The following KCNC2 variants were observed in gnomAD, a reference collection of about 807,000 sequenced individuals.
KCNC2 encodes voltage-gated potassium channel KCNC2.
In KCNC2, 21 loss-of-function variants were observed where a neutral mutation model predicts 44.5. That is an observed-to-expected ratio of 0.47 (90% confidence interval 0.33 to 0.68). The LOEUF is 0.68. KCNC2 is among the 30% of genes least tolerant of loss of function. The probability of loss-of-function intolerance (pLI) is 0.01; values close to 1 mark genes in which losing one functional copy is unlikely to be tolerated. For missense variants in KCNC2, 589 were observed against 826.2 expected (o/e 0.71, Z 3.52); for synonymous variants, 391 against 339.1 (o/e 1.15, Z -1.68).
intron 2 of KCNC2, among the ~76,000 whole-genome samples, chr12:75,129,705 G>A (rs942994258): frequency 1.3e-5 from 2 of 151,074 alleles, no homozygotes; most frequent in African/African-American, 2.4e-5. Flanking sequence ...TGGATATCAC[G>A]CAAAAAAAAA....
At chr12:75,180,091 G>A (rs1892478322) in intron 2 of KCNC2, among the ~76,000 whole-genome samples, 1 of 151,838 alleles carries the variant, frequency 6.6e-6, no homozygotes. Context: ...TGTCAACATA[G>A]TAATTTTAAA....
intron 3 of KCNC2, 106 bp downstream of exon 3, chr12:75,050,284 T>G (rs1474051901): frequency 5.5e-5 from 47 of 853,088 alleles, no homozygotes; most frequent in Non-Finnish European, 1.9e-6. Flanking sequence ...GGGTTAGGGC[T>G]GAAAACTCAT....
intron 2 of KCNC2, among the ~76,000 whole-genome samples, chr12:75,086,269 G>A (rs1322963146): frequency 6.6e-6 from 1 of 151,996 alleles, no homozygotes; most frequent in Non-Finnish European, 1.5e-5. Flanking sequence ...GTTATTAGAA[G>A]ACAAGACAGT....
chr12:75,084,341 T>G (rs1884809593), intron 2 of KCNC2, among the ~76,000 whole-genome samples: 1 of 151,160 alleles, frequency 6.6e-6, no homozygotes, highest in Non-Finnish European at 1.5e-5. Context: ...GATATACTAT[T>G]ATGTGTCCAG....
At chr12:75,089,333 T>C (rs1885283323) in intron 2 of KCNC2, among the ~76,000 whole-genome samples, 1 of 151,822 alleles carries the variant, frequency 6.6e-6, no homozygotes, top group Non-Finnish European at 1.5e-5. Context: ...TGTCATTGTA[T>C]CCTCAATATT....
chr12:75,056,334 C>G (rs1015077318), intron 2 of KCNC2, among the ~76,000 whole-genome samples: 5 of 151,848 alleles, frequency 3.3e-5, no homozygotes, highest in African/African-American at 1.2e-4. Context: ...AAATATAAGG[C>G]TCATCTCTAT....
intron 2 of KCNC2, among the ~76,000 whole-genome samples, chr12:75,126,095 A>AACC (rs1888404842): frequency 6.6e-6 from 1 of 152,132 alleles, no homozygotes; most frequent in Non-Finnish European, 1.5e-5. Context: ...AAAACTAAAA[A>AACC]ACCCGAGTCT....
chr12:75,117,213 G>A (rs1183422604), intron 2 of KCNC2, among the ~76,000 whole-genome samples: 2 of 152,084 alleles, frequency 1.3e-5, no homozygotes, highest in African/African-American at 2.4e-5. Flanking sequence ...TATGCTTTCC[G>A]ACGCTTTGAG....
intron 2 of KCNC2, among the ~76,000 whole-genome samples, chr12:75,142,840 T>A (rs1889750132): frequency 6.6e-6 from 1 of 152,164 alleles, no homozygotes; most frequent in Non-Finnish European, 1.5e-5. Flanking sequence ...AGTCACACAG[T>A]GACACCACTA....
intron 2 of KCNC2, among the ~76,000 whole-genome samples, chr12:75,195,676 T>C (rs574172746): frequency 6.6e-6 from 1 of 152,258 alleles, no homozygotes; most frequent in Admixed American, 6.5e-5. Context: ...GTTACTTCAA[T>C]AACACACTAA....
At chr12:75,127,356 G>T (rs1459064934) in intron 2 of KCNC2, among the ~76,000 whole-genome samples, 1 of 152,114 alleles carries the variant, frequency 6.6e-6, no homozygotes, top group Non-Finnish European at 1.5e-5. Context: ...AAGGAAAATT[G>T]CCTATGGCTT....
intron 2 of KCNC2, among the ~76,000 whole-genome samples, chr12:75,064,245 C>G (rs947782409): frequency 1.3e-5 from 2 of 152,016 alleles, no homozygotes; most frequent in South Asian, 4.1e-4. Flanking sequence ...CTACACTACT[C>G]TAAGTTGCTA....
intron 2 of KCNC2, among the ~76,000 whole-genome samples, chr12:75,091,787 C>T (rs1885503286): frequency 6.6e-6 from 1 of 151,186 alleles, no homozygotes; most frequent in Admixed American, 6.6e-5. Flanking sequence ...TCTATGTAGA[C>T]AATAGAATAC....
intron 1 of KCNC2, 42 bp from the exon 2 acceptor site, chr12:75,208,044 C>G (rs1368717022): frequency 6.2e-7 from 1 of 1,600,104 alleles, no homozygotes; most frequent in East Asian, 2.3e-5. Flanking sequence ...AGATCTTAGC[C>G]GTCAAAGACA....
At chr12:75,182,540 A>AC (rs1892670592) in intron 2 of KCNC2, among the ~76,000 whole-genome samples, 2 of 147,622 alleles carry the variant, frequency 1.4e-5, no homozygotes, top group African/African-American at 5.0e-5. Flanking sequence ...AAAAAAAACA[A>AC]AAAAAACAAA....
chr12:75,062,294 A>G (rs1005134776), intron 2 of KCNC2, among the ~76,000 whole-genome samples: 1 of 152,108 alleles, frequency 6.6e-6, no homozygotes, highest in Admixed American at 6.6e-5. Flanking sequence ...AGACTGATAA[A>G]ATAGTGTTTT....
At chr12:75,125,833 G>GT (rs1206084477) in intron 2 of KCNC2, among the ~76,000 whole-genome samples, 1 of 152,032 alleles carries the variant, frequency 6.6e-6, no homozygotes, top group Non-Finnish European at 1.5e-5. Context: ...CCTTCAAACT[G>GT]AATTCATCTC....
intron 2 of KCNC2, among the ~76,000 whole-genome samples, chr12:75,143,325 C>A (rs1889789438): frequency 6.6e-6 from 1 of 152,180 alleles, no homozygotes; most frequent in African/African-American, 2.4e-5. Flanking sequence ...TCATACTCTA[C>A]TGCCCATCCA....
chr12:75,162,729 A>T (rs1200678181), intron 2 of KCNC2, among the ~76,000 whole-genome samples: 2 of 151,758 alleles, frequency 1.3e-5, no homozygotes. Flanking sequence ...ATCCTCAAAA[A>T]AACCTCTATT....
Sources: gnomAD v4.1 joint callset for allele counts (sites outside exome capture counted in the v4.1 genomes callset) on GRCh38, gnomAD v4.1.1 for gene constraint, MANE v1.5 for transcripts, NCBI Gene and HGNC (gene_info 2026-07-23, HGNC 2026-07-21) for gene names.